The following RORA variants were observed in gnomAD, a reference collection of about 807,000 sequenced individuals.
RORA encodes RAR related orphan receptor A.
A neutral mutation model predicts 69.5 loss-of-function variants in RORA; 7 were observed. That is an observed-to-expected ratio of 0.10 (90% CI 0.06 to 0.19). The LOEUF (loss-of-function observed/expected upper bound fraction) is 0.19, where lower values mean the gene tolerates loss of function less well. RORA is among the 10% of genes least tolerant of loss of function. RORA has a pLI of 1.00. For missense variants in RORA, 457 were observed against 663.0 expected (o/e 0.69, Z 3.41); for synonymous variants, 261 against 240.8 (o/e 1.08, Z -0.78).
At chr15:60,859,430 T>C (rs911739628) in intron 1 of RORA, among the ~76,000 whole-genome samples, 2 of 151,336 alleles carry the variant, frequency 1.3e-5, no homozygotes, top group Admixed American at 6.6e-5. Flanking sequence ...AGTACAGAGA[T>C]CTCGAGCTCC....
At chr15:60,515,325 G>A (rs2065828065) in intron 3 of RORA, among the ~76,000 whole-genome samples, 1 of 152,118 alleles carries the variant, frequency 6.6e-6, no homozygotes, top group Admixed American at 6.5e-5. Flanking sequence ...GATTATTTTG[G>A]CAGATCAGAT....
chr15:60,811,402 A>G (rs2072741063), intron 1 of RORA, among the ~76,000 whole-genome samples: 1 of 152,132 alleles, frequency 6.6e-6, no homozygotes, highest in South Asian at 2.1e-4. Context: ...TCTCTATTCC[A>G]TCTGCTTTCC....
intron 1 of RORA, among the ~76,000 whole-genome samples, chr15:60,737,214 G>C (rs2071513132): frequency 1.3e-5 from 2 of 152,194 alleles, no homozygotes; most frequent in African/African-American, 4.8e-5. Context: ...ACTGCTGTTG[G>C]ACGGTCTCGT....
intron 1 of RORA, among the ~76,000 whole-genome samples, chr15:61,143,812 C>A (rs185045503): frequency 6.6e-6 from 1 of 151,816 alleles, no homozygotes; most frequent in Admixed American, 6.6e-5. Context: ...AAGATCTTAG[C>A]GGAAACAAAG....
chr15:61,073,325 G>A (rs966375691), intron 1 of RORA, among the ~76,000 whole-genome samples: 7 of 152,120 alleles, frequency 4.6e-5, no homozygotes, highest in Admixed American at 6.6e-5. Flanking sequence ...TTAAAACTCC[G>A]CTCCTGTTTT....
At chr15:60,979,441 G>C (rs1185776712) in intron 1 of RORA, among the ~76,000 whole-genome samples, 1 of 151,990 alleles carries the variant, frequency 6.6e-6, no homozygotes, top group East Asian at 1.9e-4. Context: ...ATATCAATCA[G>C]GGGAGTATTC....
At chr15:61,051,405 G>A (rs1192525716) in intron 1 of RORA, among the ~76,000 whole-genome samples, 2 of 152,172 alleles carry the variant, frequency 1.3e-5, no homozygotes, top group Non-Finnish European at 2.9e-5. Context: ...GCAAGCCTGA[G>A]CTCCACTCAG....
chr15:61,194,360 C>T (rs973423129), intron 1 of RORA, among the ~76,000 whole-genome samples: 7 of 151,846 alleles, frequency 4.6e-5, no homozygotes, highest in South Asian at 4.2e-4. Flanking sequence ...GAGTTTGAGA[C>T]GAGCCTGGCC....
intron 1 of RORA, among the ~76,000 whole-genome samples, chr15:60,911,241 G>A (rs1326298229): frequency 6.6e-6 from 1 of 151,710 alleles, no homozygotes; most frequent in South Asian, 2.1e-4. Context: ...GGCTGACTCT[G>A]GCTGTTTTTG....
At chr15:60,827,370 C>T (rs2072979244) in intron 1 of RORA, among the ~76,000 whole-genome samples, 1 of 152,138 alleles carries the variant, frequency 6.6e-6, no homozygotes, top group Non-Finnish European at 1.5e-5. Flanking sequence ...TTTAGGGCTG[C>T]TAAGAAAATG....
intron 1 of RORA, among the ~76,000 whole-genome samples, chr15:60,798,259 C>T (rs1232098433): frequency 1.2e-5 from 1 of 85,076 alleles, no homozygotes; most frequent in Non-Finnish European, 2.8e-5. Context: ...CACACACACA[C>T]ACACACACAC....
chr15:60,826,994 G>A (rs998720495), intron 1 of RORA, among the ~76,000 whole-genome samples: 1 of 152,206 alleles, frequency 6.6e-6, no homozygotes. Flanking sequence ...CCTCCGTGAT[G>A]TGAGTATAAT....
At chr15:61,082,529 T>C (rs545244656) in intron 1 of RORA, among the ~76,000 whole-genome samples, 2 of 152,286 alleles carry the variant, frequency 1.3e-5, no homozygotes, top group African/African-American at 4.8e-5. Flanking sequence ...AATAATACAG[T>C]ATTTGCAGGA....
chr15:61,157,455 AACT>A (rs1413929948), intron 1 of RORA, among the ~76,000 whole-genome samples: 4 of 152,138 alleles, frequency 2.6e-5, no homozygotes, highest in African/African-American at 9.7e-5. Flanking sequence ...GTGAATATGA[AACT>A]ACATTTATAA....
chr15:60,694,617 C>T (rs1596133022), intron 1 of RORA, among the ~76,000 whole-genome samples: 1 of 152,216 alleles, frequency 6.6e-6, no homozygotes, highest in East Asian at 1.9e-4. Context: ...GCCCAAACCT[C>T]GAGGACACTC....
intron 1 of RORA, among the ~76,000 whole-genome samples, chr15:61,025,381 C>T (rs1164872741): frequency 2.6e-5 from 4 of 152,150 alleles, no homozygotes; most frequent in East Asian, 1.9e-4. Context: ...TCCCAGGTCC[C>T]GGGCCCTAGC....
At chr15:61,084,308 C>T (rs141357412) in intron 1 of RORA, among the ~76,000 whole-genome samples, 2 of 152,120 alleles carry the variant, frequency 1.3e-5, no homozygotes, top group Non-Finnish European at 2.9e-5. Context: ...CATTCACCCA[C>T]CATGTCAGGA....
At chr15:60,779,190 T>C (rs780046459) in intron 1 of RORA, among the ~76,000 whole-genome samples, 1 of 152,178 alleles carries the variant, frequency 6.6e-6, no homozygotes, top group South Asian at 2.1e-4. Context: ...ATCAGACTTT[T>C]CTCATTCACA....
intron 1 of RORA, among the ~76,000 whole-genome samples, chr15:60,932,864 A>G (rs748949525): frequency 3.3e-5 from 5 of 152,166 alleles, no homozygotes; most frequent in Non-Finnish European, 4.4e-5. Context: ...GGAACCAAGG[A>G]GTGTGGAACA....
Sources: gnomAD v4.1 joint callset for allele counts (sites outside exome capture counted in the v4.1 genomes callset) on GRCh38, gnomAD v4.1.1 for gene constraint, MANE v1.5 for transcripts, NCBI Gene and HGNC (gene_info 2026-07-23, HGNC 2026-07-21) for gene names.